The following VCP variants were observed in gnomAD, a reference collection of about 807,000 sequenced individuals.
VCP encodes valosin containing protein.
Under a neutral mutation model 85.7 loss-of-function variants are expected in VCP, and 6 were observed. That is an observed-to-expected ratio of 0.07 (90% confidence interval 0.04 to 0.14). The LOEUF is 0.14. Ranked by LOEUF, VCP falls within the 10% of genes least tolerant of loss-of-function variation. VCP has a pLI of 1.00. For missense variants in VCP, 353 were observed against 1,043.4 expected, an observed-to-expected ratio of 0.34 and a Z score of 9.12; for synonymous variants, 384 against 367.1, an observed-to-expected ratio of 1.05 and a Z score of -0.53.
intron 6 of VCP, among the ~76,000 whole-genome samples, chr9:35,063,513 C>G (rs538772387): frequency 1.2e-4 from 19 of 152,318 alleles, no homozygotes; most frequent in African/African-American, 3.8e-4. Flanking sequence ...CAGAATTTAT[C>G]ACACTGGAAT....
rs773319803 is a variant in VCP, at chr9:35,067,995, T to A, written c.198A>T (p.Glu66Asp). Residue 66 changes from glutamate (E) to aspartate (D), a missense_variant, in exon 3 of 17, where the codon GAA (glutamate) becomes GAT (aspartate). Glu to Asp is a conservative substitution (Grantham distance 45). This residue lies in a region of VCP where 69 missense variants were observed against 132.9 expected (regional missense o/e 0.52). Transcript: ENST00000358901. ...TVLLKGKKRR[E>D]AVCIVLSDDT... The stretch of plus-strand genomic sequence containing the variant: ...CATCAGAAAGGACGATGCAAACAGC[T>A]TCTCGTCTCTTCTTTCCTTTCAGCA... 1 of 1,614,230 alleles carries A rather than the reference T, an allele frequency of 6.2e-7. No homozygotes were observed. The highest frequency in any genetic ancestry group is 8.5e-7 in the Non-Finnish European group (1 of 1,180,036).
chr9:35,060,266 C>T lies in VCP; in HGVS notation c.1695+47G>A, dbSNP rs780065574. On this transcript the variant is annotated intron_variant, in intron 13 of 16. Transcript: ENST00000358901. ...TCTTAAAGAAAAACAGCCTCTATTC[C>T]TTGCCCTCAGGCAAATCAATACATA... 1.3e-5 allele frequency: 20 copies of T among 1,596,436 alleles called. No homozygotes were observed. In the African/African-American group the frequency reaches 2.4e-4, roughly 19 times the overall value.
intron 7 of VCP, 77 bp downstream of exon 7, chr9:35,062,901 T>C: frequency 7.4e-7 from 1 of 1,355,306 alleles, no homozygotes; most frequent in African/African-American, 1.4e-5. Flanking sequence ...AAAAAGGATG[T>C]GTTCATAAGT....
intron 1 of VCP, among the ~76,000 whole-genome samples, chr9:35,069,515 C>T (rs1161793530): frequency 7.0e-6 from 1 of 142,102 alleles, no homozygotes; most frequent in Non-Finnish European, 1.5e-5. Flanking sequence ...TGCAATGCTG[C>T]GATCTCAGCT....
chr9:35,064,954 G>A (rs537965176), intron 5 of VCP, among the ~76,000 whole-genome samples: 5 of 152,244 alleles, frequency 3.3e-5, no homozygotes, highest in East Asian at 3.9e-4. Flanking sequence ...TGCAACCTCC[G>A]ACTCCTGGGT....
rs191280377 is a variant in VCP, at chr9:35,060,636, C to T, written c.1483-111G>A. ...CATGGTGTACCCAATGGTATCAGAT[C>T]CAGGTTCTCTAGAAGAAGACTCCTT... On this transcript the variant is annotated intron_variant, in intron 12 of 16. Transcript: ENST00000358901. 5 of 1,515,528 alleles carry T rather than the reference C, an allele frequency of 3.3e-6. No individual in the cohort carries two copies. In the East Asian group the frequency reaches 1.1e-4, roughly 34 times the overall value. 93.9% of individuals were successfully genotyped at this position (1,515,528 alleles called of 1,614,324 possible).
intron 1 of VCP, among the ~76,000 whole-genome samples, chr9:35,071,032 T>C (rs1828930513): frequency 6.6e-6 from 1 of 152,184 alleles, no homozygotes; most frequent in South Asian, 2.1e-4. Flanking sequence ...GGGTTTCAGC[T>C]AAGAGTCATC....
Position 35,062,859 on chromosome 9 carries a change from T to C in VCP, c.811+119A>G. On this transcript the variant is annotated intron_variant, in intron 7 of 16. Transcript: ENST00000358901. ...CTGTAACATACCCCAGCATAAGAAA[T>C]ATGCTATAAACATGAAGGAGGGCAT... is the stretch of plus-strand genomic sequence containing the variant. 3.0e-5 allele frequency: 28 copies of C among 931,818 alleles called. No homozygotes were observed. The South Asian group carries it at 3.7e-4, about 12-fold the overall frequency. The allele number at this position is 931,818 out of a possible 1,614,324, so 57.7% of individuals were successfully genotyped here. A position where few individuals can be genotyped will look rare whatever the true frequency, so the allele number is the denominator to read the frequency against.
chr9:35,065,262 T>C lies in VCP; in HGVS notation c.565A>G (p.Ile189Val), dbSNP rs747754993. 12 of 1,614,094 alleles carry C rather than the reference T, an allele frequency of 7.4e-6. No individual in the cohort carries two copies. The highest frequency in any genetic ancestry group is 3.3e-5 in the Admixed American group (2 of 60,006). The change falls in exon 5 of 17, where the codon ATC becomes GTC. Residue 189 changes from isoleucine (I) to valine (V), a missense_variant. Transcript: ENST00000358901. ...DTVIHCEGEPIKREDEEESLN... is the reference protein window; with the variant it reads ...DTVIHCEGEPVKREDEEESLN... ...GGGAGAAAACTCACCTCTCGTTTGA[T>C]AGGCTCCCCTTCGCAGTGGATCACT...
At chr9:35,058,028 T>C (rs1436435937) in intron 15 of VCP, among the ~76,000 whole-genome samples, 1 of 152,224 alleles carries the variant, frequency 6.6e-6, no homozygotes, top group East Asian at 1.9e-4. Context: ...ATATATACTC[T>C]TAAATCTACC....
At position 35,063,123 on chromosome 9, in the gene VCP, C is replaced by G. The variant is rs568989403; in HGVS notation, c.709-43G>C. On this transcript the variant is annotated intron_variant, in intron 6 of 16. Coordinates refer to ENST00000358901, the MANE Select transcript of VCP (RefSeq NM_007126.5). ...GTGTGATTAGGTTCCCACCTTCTCC[C>G]AAACCCTAAAATGGCTTGACTAGCG... is the stretch of plus-strand genomic sequence containing the variant. 1.5e-4 allele frequency: 243 copies of G among 1,597,042 alleles called. 2 individuals are homozygous for G. The South Asian group carries it at 1.9e-3, about 13-fold the overall frequency.
rs1338437843 is a variant in VCP at position 35,059,835 on chromosome 9, A to T, written c.1696-34T>A. 2 of 1,613,834 alleles carry T rather than the reference A, an allele frequency of 1.2e-6. No individual in the cohort carries two copies. Among genetic ancestry groups the T allele is most frequent in the African/African-American group, 2.7e-5 (2 of 74,900 alleles). On this transcript the variant is annotated intron_variant, in intron 13 of 16. Transcript: ENST00000358901. The surrounding 1 kb of genome is among the most constrained non-coding windows in gnomAD (Gnocchi z 4.9). ...GGAATGGATTGATTCAAGCACTAAC[A>T]AAACTAGATGTCTCTAGGCAAACGT...
intron 12 of VCP, 73 bp downstream of exon 12, chr9:35,060,728 T>C (rs1229325929): frequency 2.5e-6 from 4 of 1,612,342 alleles, no homozygotes; most frequent in Non-Finnish European, 2.5e-6. Context: ...GCAAATGTGT[T>C]GACACCCTGA....
intron 6 of VCP, 83 bp downstream of exon 6, chr9:35,064,071 A>C (rs910056976): frequency 4.4e-6 from 7 of 1,606,014 alleles, no homozygotes; most frequent in African/African-American, 2.7e-5. Flanking sequence ...GCCATGCATG[A>C]AAACAGTCCC....
In VCP at chr9:35,056,786, G is replaced by A. The variant is rs1306439536; in HGVS notation, c.*331C>T. 2 of 369,178 alleles carry A rather than the reference G, an allele frequency of 5.4e-6. No individual in the cohort carries two copies. Among genetic ancestry groups the A allele is most frequent in the East Asian group, 1.3e-4 (2 of 14,882 alleles). 22.9% of individuals were successfully genotyped at this position (369,178 alleles called of 1,614,324 possible). A position where few individuals can be genotyped will look rare whatever the true frequency, so the allele number is the denominator to read the frequency against. The stretch of plus-strand genomic sequence containing the variant: ...GAGTCAAGTGCAGATGCTTTACTGT[G>A]GCAGGTGGCAGTAGTGCCTTGGTTC... On this transcript the variant is annotated 3_prime_UTR_variant, in exon 17 of 17. Coordinates refer to ENST00000358901, the MANE Select transcript of VCP (RefSeq NM_007126.5).
intron 4 of VCP, among the ~76,000 whole-genome samples, 198 bp from the exon 5 acceptor site, chr9:35,065,579 C>A (rs1013341945): frequency 6.6e-6 from 1 of 152,124 alleles, no homozygotes; most frequent in African/African-American, 2.4e-5. Context: ...GTGAAGAGTC[C>A]CTCTGACAAG....
At position 35,062,711 on chromosome 9, in the gene VCP, C is replaced by T. The variant is rs182678757; in HGVS notation, c.811+267G>A. 3.3e-5 allele frequency among the ~76,000 whole-genome samples: 5 copies of T among 152,320 alleles called. No homozygotes were observed. In the East Asian group the frequency reaches 9.7e-4, roughly 29 times the overall value. ...GCCCCAAACCCTCTCAAATCACTAACCATTCACCCTTTGATTTCTCATTCT... is the reference window on the plus strand; with the variant it reads ...GCCCCAAACCCTCTCAAATCACTAATCATTCACCCTTTGATTTCTCATTCT... On this transcript the variant is annotated intron_variant, in intron 7 of 16. Transcript: ENST00000358901.
rs779301958 is a variant in VCP, at chr9:35,057,164, C to T, written c.2374G>A (p.Gly792Ser). The change falls in exon 17 of 17, where the codon GGT becomes AGT. Residue 792 changes from glycine (G) to serine (S), a missense_variant. Gly to Ser is a moderately conservative substitution (Grantham distance 56). Transcript: ENST00000358901. ...TTGTCTTCTGTGTATACACTGCCAC[C>T]TGTGCCGCCTCCACTGCCCTGACTG... is the stretch of plus-strand genomic sequence containing the variant. The part of the protein sequence containing the change: ...GPSQGSGGGT[G>S]GSVYTEDNDD... 1.9e-6 allele frequency: 3 copies of T among 1,614,216 alleles called. No homozygotes were observed. Among genetic ancestry groups the T allele is most frequent in the Non-Finnish European group, 1.7e-6 (2 of 1,180,046 alleles).
intron 1 of VCP, 165 bp downstream of exon 1, chr9:35,072,172 G>C: frequency 7.1e-7 from 1 of 1,410,718 alleles, no homozygotes; most frequent in Non-Finnish European, 9.2e-7. Context: ...GGCCCCAGCC[G>C]GGCCTGCCGG....
Sources: allele counts gnomAD v4.1 joint callset (sites outside exome capture counted in the v4.1 genomes callset), GRCh38; gene constraint gnomAD v4.1.1; regional missense constraint gnomAD v4.1.1; non-coding constraint Gnocchi (gnomAD v3.1); transcripts MANE v1.5; gene names NCBI Gene and HGNC (gene_info 2026-07-23, HGNC 2026-07-21).